The following APBA2 variants were observed in gnomAD, a reference collection of about 807,000 sequenced individuals.
APBA2 encodes amyloid beta precursor protein binding family A member 2.
Under a neutral mutation model 75.0 loss-of-function variants are expected in APBA2, and 30 were observed. The ratio of observed to expected loss-of-function variants is 0.40; its 90% CI spans 0.30 to 0.54. APBA2 has a LOEUF of 0.54. Ranked by LOEUF, APBA2 falls within the 20% of genes least tolerant of loss-of-function variation. The probability of loss-of-function intolerance (pLI) is 0.49; values close to 1 mark genes in which losing one functional copy is unlikely to be tolerated. For missense variants in APBA2, 801 were observed against 1,016.1 expected (o/e 0.79, Z 2.88); for synonymous variants, 444 against 409.6 (o/e 1.08, Z -1.01).
At chr15:29,043,881 G>A (rs1322473087) in intron 3 of APBA2, among the ~76,000 whole-genome samples, 2 of 152,130 alleles carry the variant, frequency 1.3e-5, no homozygotes, top group African/African-American at 2.4e-5. Context: ...CAGAGCTTGC[G>A]GTTGCCTGTG....
At chr15:29,103,450 C>T (rs1269676267) in intron 10 of APBA2, among the ~76,000 whole-genome samples, 4 of 152,206 alleles carry the variant, frequency 2.6e-5, no homozygotes, top group African/African-American at 4.8e-5. Flanking sequence ...GAGTTGGGGC[C>T]GGCAGGGCGA....
At chr15:28,923,320 A>G (rs1044535460) in intron 2 of APBA2, among the ~76,000 whole-genome samples, 1 of 152,080 alleles carries the variant, frequency 6.6e-6, no homozygotes, top group Non-Finnish European at 1.5e-5. Context: ...GAATATGGGC[A>G]CGCTGCTATT....
chr15:28,942,092 A>G (rs977786836), intron 2 of APBA2, among the ~76,000 whole-genome samples: 2 of 152,198 alleles, frequency 1.3e-5, no homozygotes, highest in African/African-American at 2.4e-5. Context: ...TATTTACACT[A>G]TGTTTTCTAA....
At position 28,988,509 on chromosome 15, in the gene APBA2, C is replaced by T. The variant is rs4779668; in HGVS notation, c.-94-7244C>T. Among the ~76,000 whole-genome samples, 530 of 152,312 alleles carry T rather than the reference C, an allele frequency of 3.5e-3. 3 individuals are homozygous for T. Among genetic ancestry groups the T allele is most frequent in the Middle Eastern group, 0.01 (3 of 294 alleles). ...GAACTCCTGGCCTCAAGTGATCCGC[C>T]TACCTTGGCCTCCCAAAATGCTAGG... On this transcript the variant is annotated intron_variant, in intron 2 of 14. Transcript: ENST00000683413.
chr15:28,974,610 C>A (rs898633320), intron 2 of APBA2, among the ~76,000 whole-genome samples: 2 of 152,068 alleles, frequency 1.3e-5, no homozygotes, highest in East Asian at 3.9e-4. Flanking sequence ...TGCAATAAAA[C>A]TAAAAATTAA....
chr15:29,043,560 G>A (rs1026476397), intron 3 of APBA2, among the ~76,000 whole-genome samples: 3 of 152,306 alleles, frequency 2.0e-5, no homozygotes, highest in South Asian at 2.1e-4. Context: ...CCTTGCTAAC[G>A]TCTTAATGCA....
At chr15:29,102,913 C>T (rs1204324649) in intron 10 of APBA2, among the ~76,000 whole-genome samples, 1 of 151,888 alleles carries the variant, frequency 6.6e-6, no homozygotes, top group Non-Finnish European at 1.5e-5. Flanking sequence ...AGACAGGGTT[C>T]AAACCTTTGG....
At chr15:29,022,346 AGT>A (rs2039993080) in intron 3 of APBA2, among the ~76,000 whole-genome samples, 3 of 152,134 alleles carry the variant, frequency 2.0e-5, no homozygotes, top group African/African-American at 7.2e-5. Context: ...TACAGGTAAT[AGT>A]GTGTTTTGCA....
intron 2 of APBA2, among the ~76,000 whole-genome samples, chr15:28,985,425 G>A (rs528336655): frequency 1.2e-4 from 19 of 152,324 alleles, no homozygotes; most frequent in African/African-American, 3.8e-4. Context: ...AGGTCAGAGA[G>A]CACTGAAAGG....
At chr15:28,926,818 TCAAAA>T in intron 2 of APBA2, among the ~76,000 whole-genome samples, 2 of 151,822 alleles carry the variant, frequency 1.3e-5, no homozygotes, top group African/African-American at 4.8e-5. Context: ...GTTTCTTCTT[TCAAAA>T]TTTTAAGGAT....
chr15:28,969,224 C>T (rs1310764900), intron 2 of APBA2, among the ~76,000 whole-genome samples: 3 of 148,656 alleles, frequency 2.0e-5, no homozygotes, highest in Admixed American at 6.8e-5. Flanking sequence ...CTCTGCCGGC[C>T]AGGCTGGATC....
intron 1 of APBA2, among the ~76,000 whole-genome samples, chr15:28,914,762 C>T (rs1288301363): frequency 2.1e-4 from 32 of 152,110 alleles, no homozygotes; most frequent in Admixed American, 3.9e-4. Context: ...GGACACAGCT[C>T]GTTCTTTCCT....
At chr15:29,107,754 G>A (rs937638843) in intron 12 of APBA2, among the ~76,000 whole-genome samples, 1 of 152,260 alleles carries the variant, frequency 6.6e-6, no homozygotes, top group Non-Finnish European at 1.5e-5. Context: ...GGACCCCGGC[G>A]GCCTGGCGCA....
At chr15:28,887,110 A>G (rs1412519549) in intron 1 of APBA2, among the ~76,000 whole-genome samples, 1 of 152,226 alleles carries the variant, frequency 6.6e-6, no homozygotes, top group Non-Finnish European at 1.5e-5. Flanking sequence ...CTTCGTATTT[A>G]CTGGCAGAAG....
intron 6 of APBA2, among the ~76,000 whole-genome samples, chr15:29,091,074 C>T (rs1207241297): frequency 2.0e-5 from 3 of 152,084 alleles, no homozygotes; most frequent in South Asian, 4.1e-4. Flanking sequence ...AGGAGAATCC[C>T]GGTGTACCCT....
chr15:29,002,845 C>A (rs1385143631), intron 3 of APBA2, among the ~76,000 whole-genome samples: 1 of 151,996 alleles, frequency 6.6e-6, no homozygotes, highest in Non-Finnish European at 1.5e-5. Flanking sequence ...AGAGTGCACC[C>A]TGGGGAGGGC....
chr15:28,949,324 G>A (rs1421803900), intron 2 of APBA2, among the ~76,000 whole-genome samples: 1 of 152,202 alleles, frequency 6.6e-6, no homozygotes. Flanking sequence ...TTCAGTGGAG[G>A]CAGCAAGTCA....
At chr15:28,914,645 C>T (rs1471520236) in intron 1 of APBA2, among the ~76,000 whole-genome samples, 11 of 152,154 alleles carry the variant, frequency 7.2e-5, no homozygotes, top group Non-Finnish European at 1.5e-4. Flanking sequence ...CCGCGCACCC[C>T]GGACCTCCCC....
At position 29,046,162 on chromosome 15, in the gene APBA2, C is replaced by T. The variant is rs2041317971; in HGVS notation, c.-40-7683C>T. On this transcript the variant is annotated intron_variant, in intron 3 of 14. Transcript: ENST00000683413. This position sits in a 1 kb window ranked among gnomAD's most constrained non-coding sequence, Gnocchi z 5.0. ...AATGGAATTCTTTATCATAAGGCTG[C>T]AAACTGCTTCTGTGCAAAAGGCAAT... is the stretch of plus-strand genomic sequence containing the variant. 2.6e-5 allele frequency among the ~76,000 whole-genome samples: 4 copies of T among 152,190 alleles called. No homozygotes were observed. The highest frequency in any genetic ancestry group is 9.7e-5 in the African/African-American group (4 of 41,436).
Sources: allele counts gnomAD v4.1 joint callset (sites outside exome capture counted in the v4.1 genomes callset), GRCh38; gene constraint gnomAD v4.1.1; non-coding constraint Gnocchi (gnomAD v3.1); transcripts MANE v1.5; gene names NCBI Gene and HGNC (gene_info 2026-07-23, HGNC 2026-07-21).